The following MED27 variants were observed in gnomAD, a reference collection of about 807,000 sequenced individuals.
MED27 encodes mediator complex subunit 27.
In MED27, 30 loss-of-function variants were observed where a neutral mutation model predicts 38.2. The ratio of observed to expected loss-of-function variants is 0.79; its 90% CI spans 0.59 to 1.07. MED27 has a LOEUF of 1.07. Among genes scored for constraint, MED27 ranks in the 50% least tolerant of loss-of-function variants. MED27 has a pLI of 0.00. For missense variants in MED27, 289 were observed against 397.5 expected (o/e 0.73, Z 2.32); for synonymous variants, 122 against 153.5 (o/e 0.79, Z 1.52).
At chr9:131,944,196 C>G (rs76569636) in intron 3 of MED27, among the ~76,000 whole-genome samples, 2,931 of 152,294 alleles carry the variant, frequency 0.019, 74 homozygotes, top group East Asian at 0.083. Context: ...CCAGCTTGCT[C>G]CTTTCAATGG....
At chr9:131,942,144 T>G (rs1017543281) in intron 3 of MED27, among the ~76,000 whole-genome samples, 13 of 152,008 alleles carry the variant, frequency 8.6e-5, no homozygotes, top group African/African-American at 2.9e-4. Context: ...TTTTTAATAG[T>G]TTAATAAACA....
intron 2 of MED27, among the ~76,000 whole-genome samples, chr9:132,025,623 G>C (rs1832801925): frequency 6.6e-6 from 1 of 152,150 alleles, no homozygotes; most frequent in Admixed American, 6.5e-5. Flanking sequence ...TATGACCTTG[G>C]GAGAGTTCTT....
At chr9:132,038,890 G>A (rs1013070697) in intron 2 of MED27, among the ~76,000 whole-genome samples, 5 of 152,122 alleles carry the variant, frequency 3.3e-5, no homozygotes, top group Non-Finnish European at 5.9e-5. Context: ...GGCTTCGAAC[G>A]GAGTGACAGG....
chr9:131,918,087 T>G lies in MED27; in HGVS notation c.573+21294A>C, dbSNP rs372389059. On this transcript the variant is annotated intron_variant, in intron 4 of 7. Coordinates refer to ENST00000292035, the MANE Select transcript of MED27 (RefSeq NM_004269.4). The stretch of plus-strand genomic sequence containing the variant: ...TGCCTTCTCCAACATTTAAATTCAC[T>G]ATTGTAAATGCCAGCCATTGAAATA... Among the ~76,000 whole-genome samples the G allele has an allele frequency of 4.6e-5, 7 of 152,334 alleles. No homozygotes were observed. In the East Asian group the frequency reaches 9.6e-4, roughly 21 times the overall value.
At chr9:131,903,692 G>T (rs967559363) in intron 4 of MED27, among the ~76,000 whole-genome samples, 2 of 152,078 alleles carry the variant, frequency 1.3e-5, no homozygotes, top group African/African-American at 4.8e-5. Context: ...CACTCAGTAG[G>T]CACTCCCTGT....
At chr9:132,043,839 T>TA (rs1833274689) in intron 2 of MED27, among the ~76,000 whole-genome samples, 1 of 152,038 alleles carries the variant, frequency 6.6e-6, no homozygotes. Context: ...GGCATGAACT[T>TA]ACAATGTGCA....
intron 2 of MED27, among the ~76,000 whole-genome samples, chr9:132,063,981 C>T (rs1416331657): frequency 3.9e-5 from 6 of 152,186 alleles, no homozygotes; most frequent in Admixed American, 6.5e-5. Context: ...CGCCTTGTTG[C>T]TAAACAAAGC....
chr9:132,054,016 A>G (rs954935911), intron 2 of MED27, among the ~76,000 whole-genome samples: 14 of 152,330 alleles, frequency 9.2e-5, no homozygotes, highest in Non-Finnish European at 1.3e-4. Context: ...ATCTGCTTAA[A>G]AAGATATCAA....
chr9:132,039,925 T>C (rs1291234461), intron 2 of MED27, among the ~76,000 whole-genome samples: 2 of 152,204 alleles, frequency 1.3e-5, no homozygotes, highest in African/African-American at 4.8e-5. Context: ...ATTCTGAAAT[T>C]TCATGATTCC....
intron 3 of MED27, among the ~76,000 whole-genome samples, chr9:131,943,862 G>T (rs766518074): frequency 6.6e-6 from 1 of 152,104 alleles, no homozygotes; most frequent in Non-Finnish European, 1.5e-5. Flanking sequence ...TCCAAGAACT[G>T]GGCTAGAAAC....
At chr9:131,941,798 C>T (rs543674708) in intron 3 of MED27, among the ~76,000 whole-genome samples, 23 of 145,872 alleles carry the variant, frequency 1.6e-4, no homozygotes, top group Admixed American at 2.8e-4. Flanking sequence ...TTCTTAAAGG[C>T]AAAGCCCCAT....
intron 3 of MED27, among the ~76,000 whole-genome samples, chr9:131,972,522 C>G (rs950502579): frequency 6.6e-6 from 1 of 152,190 alleles, no homozygotes. Context: ...CACCCAGAAT[C>G]TAGCACTCAG....
At chr9:131,946,378 G>C (rs971972246) in intron 3 of MED27, among the ~76,000 whole-genome samples, 1 of 152,088 alleles carries the variant, frequency 6.6e-6, no homozygotes, top group Non-Finnish European at 1.5e-5. Context: ...ACTGTGTGAG[G>C]GTTCCCTTTT....
chr9:131,970,426 C>A (rs1478982357), intron 3 of MED27, among the ~76,000 whole-genome samples: 2 of 152,236 alleles, frequency 1.3e-5, no homozygotes, highest in African/African-American at 4.8e-5. Context: ...CTACCATGCT[C>A]TCTCCACGGA....
intron 4 of MED27, among the ~76,000 whole-genome samples, chr9:131,911,073 AT>A (rs899569990): frequency 2.0e-5 from 3 of 151,696 alleles, no homozygotes; most frequent in Admixed American, 6.6e-5. Context: ...TTTACAAGAG[AT>A]TTTTTTTTCA....
chr9:132,045,941 A>T (rs1203472890), intron 2 of MED27, among the ~76,000 whole-genome samples: 1 of 152,194 alleles, frequency 6.6e-6, no homozygotes, highest in Non-Finnish European at 1.5e-5. Flanking sequence ...TAATGGCTGG[A>T]GCTCCAGCAG....
At chr9:131,932,646 G>T (rs1350274057) in intron 4 of MED27, among the ~76,000 whole-genome samples, 1 of 151,562 alleles carries the variant, frequency 6.6e-6, no homozygotes, top group African/African-American at 2.4e-5. Context: ...GTAAAGAAAA[G>T]CCCACGATCC....
intron 3 of MED27, among the ~76,000 whole-genome samples, chr9:131,987,894 C>A (rs565020298): frequency 1.3e-5 from 2 of 152,152 alleles, no homozygotes; most frequent in Non-Finnish European, 2.9e-5. Flanking sequence ...TTAGTTGGGG[C>A]GGCTGGCCCT....
intron 4 of MED27, 61 bp downstream of exon 4, chr9:131,939,320 G>C: frequency 9.2e-7 from 1 of 1,084,318 alleles, no homozygotes; most frequent in Non-Finnish European, 1.4e-6. Flanking sequence ...GGACCAGAGA[G>C]TTAATTGTGA....
Sources: allele counts gnomAD v4.1 joint callset (sites outside exome capture counted in the v4.1 genomes callset), GRCh38; gene constraint gnomAD v4.1.1; transcripts MANE v1.5; gene names NCBI Gene and HGNC (gene_info 2026-07-23, HGNC 2026-07-21).